Variants in MYO1B observed in about 807,000 individuals in gnomAD.
MYO1B encodes myosin IB.
In MYO1B, 72 loss-of-function variants were observed where a neutral mutation model predicts 159.7. The ratio of observed to expected loss-of-function variants is 0.45; its 90% confidence interval spans 0.37 to 0.55. The LOEUF (loss-of-function observed/expected upper bound fraction) is 0.55. MYO1B is among the 20% of genes least tolerant of loss of function. The pLI is 0.00. For missense variants in MYO1B, 1,062 were observed against 1,364.8 expected, an observed-to-expected ratio of 0.78 and a Z score of 3.50; for synonymous variants, 468 against 473.8, an observed-to-expected ratio of 0.99 and a Z score of 0.16.
chr2:191,404,773 T>G (rs1424343080), intron 24 of MYO1B, among the ~76,000 whole-genome samples: 1 of 152,220 alleles, frequency 6.6e-6, no homozygotes, highest in Non-Finnish European at 1.5e-5. Flanking sequence ...AGTACATACT[T>G]TACAAATACT....
chr2:191,279,100 A>AATAC (rs1216335391), intron 2 of MYO1B, among the ~76,000 whole-genome samples: 1 of 152,218 alleles, frequency 6.6e-6, no homozygotes, highest in Non-Finnish European at 1.5e-5. Flanking sequence ...AGCTCTATGT[A>AATAC]ATTTTATTTT....
At chr2:191,351,575 A>T (rs1048310735) in intron 7 of MYO1B, among the ~76,000 whole-genome samples, 5 of 152,332 alleles carry the variant, frequency 3.3e-5, no homozygotes, top group Non-Finnish European at 4.4e-5. Flanking sequence ...CATTTCCAGC[A>T]TTCTGTAGTT....
chr2:191,335,303 A>G (rs1366174055), intron 4 of MYO1B, among the ~76,000 whole-genome samples: 1 of 151,920 alleles, frequency 6.6e-6, no homozygotes, highest in Non-Finnish European at 1.5e-5. Context: ...GACTTACTCT[A>G]TTTTCTTTCT....
intron 3 of MYO1B, among the ~76,000 whole-genome samples, chr2:191,328,372 C>T (rs1163925872): frequency 6.6e-6 from 1 of 152,216 alleles, no homozygotes; most frequent in Non-Finnish European, 1.5e-5. Flanking sequence ...CTCCTGGCTG[C>T]AGACTGGTTG....
chr2:191,404,712 T>G (rs967523436), intron 24 of MYO1B, among the ~76,000 whole-genome samples: 1 of 152,250 alleles, frequency 6.6e-6, no homozygotes, highest in African/African-American at 2.4e-5. Flanking sequence ...GTTTACACTG[T>G]CTCTACTGTA....
chr2:191,298,686 A>G (rs1410768662), intron 3 of MYO1B, among the ~76,000 whole-genome samples: 1 of 152,214 alleles, frequency 6.6e-6, no homozygotes, highest in Non-Finnish European at 1.5e-5. Context: ...AAAAGTATTT[A>G]TGGCTAATAT....
rs1696533959 is a variant in MYO1B, at chr2:191,400,383, C to T, written c.2297C>T (p.Ala766Val). 5 of 1,613,908 alleles carry T rather than the reference C, an allele frequency of 3.1e-6. No individual in the cohort carries two copies. The highest frequency in any genetic ancestry group is 4.2e-6 in the Non-Finnish European group (5 of 1,179,990). The change falls in exon 22 of 31, where the codon GCT becomes GTT. Residue 766 changes from alanine (A) to valine (V), a missense_variant and splice_region_variant. Transcript: ENST00000392318. ...CTTTTGGGTGATTCTGCCCTTTAGG[C>T]TCGAAAAATTCTGCGGGAACTGAAG... ...VIQSYIRGWK[A>V]RKILRELKHQ...
chr2:191,400,946 TG>T, intron 23 of MYO1B, 111 bp downstream of exon 23: 1 of 1,032,138 alleles, frequency 9.7e-7, no homozygotes, highest in East Asian at 2.6e-5. Flanking sequence ...CTCACACTGG[TG>T]CATGTCCTAG....
chr2:191,377,476 A>AGAG (rs1694781141), intron 13 of MYO1B: 1 of 152,102 alleles, frequency 6.6e-6, no homozygotes, highest in African/African-American at 2.4e-5. Context: ...GACACGTGGG[A>AGAG]GAGGGCCTGG....
At chr2:191,397,823 T>G (rs1184768004) in intron 21 of MYO1B, among the ~76,000 whole-genome samples, 1 of 144,884 alleles carries the variant, frequency 6.9e-6, no homozygotes. Flanking sequence ...GGCGGGGGGC[T>G]GACCACCCCA....
intron 1 of MYO1B, among the ~76,000 whole-genome samples, chr2:191,249,299 C>G (rs555509861): frequency 6.6e-6 from 1 of 152,352 alleles, no homozygotes; most frequent in East Asian, 1.9e-4. Context: ...CTCGCAGCAG[C>G]AGGCCATAGA....
At chr2:191,257,387 A>G (rs567757329) in intron 1 of MYO1B, among the ~76,000 whole-genome samples, 9 of 152,338 alleles carry the variant, frequency 5.9e-5, no homozygotes, top group Non-Finnish European at 7.4e-5. Context: ...CCTATTTTGC[A>G]TAGGGTTATC....
intron 21 of MYO1B, among the ~76,000 whole-genome samples, chr2:191,397,337 C>G (rs909588664): frequency 1.4e-5 from 2 of 145,526 alleles, no homozygotes; most frequent in African/African-American, 5.0e-5. Context: ...GAGGACCCTG[C>G]GGCCTTCCGC....
chr2:191,370,075 C>T, intron 12 of MYO1B, 152 bp from the exon 13 acceptor site: 1 of 586,258 alleles, frequency 1.7e-6, no homozygotes, highest in South Asian at 2.5e-5. Context: ...ATACCAATGC[C>T]TCATCTCATA....
At chr2:191,282,711 C>G (rs1652202021) in intron 2 of MYO1B, among the ~76,000 whole-genome samples, 2 of 152,164 alleles carry the variant, frequency 1.3e-5, no homozygotes, top group African/African-American at 4.8e-5. Flanking sequence ...TCTCTTTTAT[C>G]TAGACGGGCA....
At chr2:191,402,833 T>C (rs373723369) in intron 24 of MYO1B, 115 bp downstream of exon 24, 10 of 721,324 alleles carry the variant, frequency 1.4e-5, no homozygotes, top group East Asian at 1.2e-4. Flanking sequence ...TCTTGTAGAA[T>C]GTCATCTTGC....
At chr2:191,410,662 T>A (rs1256338902) in intron 26 of MYO1B, among the ~76,000 whole-genome samples, 1 of 151,970 alleles carries the variant, frequency 6.6e-6, no homozygotes, top group Non-Finnish European at 1.5e-5. Context: ...TTGTGACGCT[T>A]TTGTGTCAGT....
chr2:191,380,475 A>G lies in MYO1B; in HGVS notation c.1186-987A>G, dbSNP rs544643906. On this transcript the variant is annotated intron_variant, in intron 13 of 30. Coordinates refer to ENST00000392318, the MANE Select transcript of MYO1B (RefSeq NM_001130158.3). ...ACTATCCCTCGCTCCCACTGCCACC[A>G]TCTTTGGGCGATAAAGAAAAATAGA... Among the ~76,000 whole-genome samples, 14 of 152,324 alleles carry G rather than the reference A, an allele frequency of 9.2e-5. No individual in the cohort carries two copies. In the East Asian group the frequency reaches 2.5e-3, roughly 27 times the overall value.
intron 2 of MYO1B, among the ~76,000 whole-genome samples, chr2:191,278,128 A>G (rs1687855660): frequency 6.6e-6 from 1 of 152,252 alleles, no homozygotes; most frequent in Non-Finnish European, 1.5e-5. Flanking sequence ...ACCATAAACT[A>G]GGTGGCTTAT....
Sources: allele counts gnomAD v4.1 joint callset (sites outside exome capture counted in the v4.1 genomes callset), GRCh38; gene constraint gnomAD v4.1.1; transcripts MANE v1.5; gene names NCBI Gene and HGNC (gene_info 2026-07-23, HGNC 2026-07-21).